Variants in LUZP2 observed in about 807,000 individuals in gnomAD.
The protein encoded by LUZP2 is leucine zipper protein 2.
In LUZP2, 52 loss-of-function variants were observed where a neutral mutation model predicts 51.6. The ratio of observed to expected loss-of-function variants is 1.01; its 90% CI spans 0.81 to 1.27. The LOEUF is 1.27. Ranked by LOEUF, LUZP2 falls within the 50% of genes most tolerant of loss-of-function variation. The probability of loss-of-function intolerance (pLI) is 0.00; values close to 1 mark genes in which losing one functional copy is unlikely to be tolerated. For synonymous variants in LUZP2, 154 were observed against 137.3 expected, an observed-to-expected ratio of 1.12 and a Z score of -0.85; for missense variants, 436 against 395.4, an observed-to-expected ratio of 1.10 and a Z score of -0.87.
At chr11:24,949,316 C>T (rs1344467917) in intron 7 of LUZP2, among the ~76,000 whole-genome samples, 4 of 111,354 alleles carry the variant, frequency 3.6e-5, no homozygotes, top group African/African-American at 1.4e-4. Flanking sequence ...ATCTATCTAT[C>T]TATCTATCTA....
Position 24,729,270 on chromosome 11 carries a change from T to C in LUZP2, c.164T>C (p.Ile55Thr). 6.5e-7 allele frequency: 1 copy of C among 1,542,698 alleles called. No individual in the cohort carries two copies. Among genetic ancestry groups the C allele is most frequent in the Non-Finnish European group, 8.8e-7 (1 of 1,131,666 alleles). ...AAGACATCAAGAGAACTTGATGGAA[T>C]TAAAGTCAATCTTCAGGTGAGATGA... is the stretch of plus-strand genomic sequence containing the variant. ...LTKTSRELDG[I>T]KVNLQSLKND... Residue 55 changes from isoleucine (I) to threonine (T), a missense_variant, in exon 2 of 12, where the codon ATT becomes ACT. Transcript: ENST00000336930.
At chr11:24,956,725 G>C (rs970607565) in intron 7 of LUZP2, among the ~76,000 whole-genome samples, 7 of 152,118 alleles carry the variant, frequency 4.6e-5, no homozygotes, top group Admixed American at 3.9e-4. Flanking sequence ...GAGAAGGCTG[G>C]GAAGTAGTGA....
chr11:25,031,719 A>G (rs1857693409), intron 9 of LUZP2, among the ~76,000 whole-genome samples: 1 of 151,986 alleles, frequency 6.6e-6, no homozygotes, highest in Non-Finnish European at 1.5e-5. Flanking sequence ...GGGCATTTAG[A>G]AATTATACAT....
At chr11:24,665,429 G>A (rs1856181580) in intron 1 of LUZP2, among the ~76,000 whole-genome samples, 1 of 152,126 alleles carries the variant, frequency 6.6e-6, no homozygotes. Flanking sequence ...TTAAGACTTT[G>A]GGAGACTGTT....
chr11:24,562,787 G>A (rs916640292), intron 1 of LUZP2, among the ~76,000 whole-genome samples: 3 of 151,042 alleles, frequency 2.0e-5, no homozygotes, highest in Non-Finnish European at 2.9e-5. Context: ...GCATGAACCC[G>A]GGAGGCGAAG....
intron 5 of LUZP2, among the ~76,000 whole-genome samples, chr11:24,828,530 A>G (rs1284752209): frequency 2.0e-5 from 3 of 148,922 alleles, no homozygotes; most frequent in Non-Finnish European, 4.4e-5. Flanking sequence ...CACTACAGAT[A>G]CCTTGCACAG....
At chr11:25,055,183 G>A (rs1484898513) in intron 10 of LUZP2, among the ~76,000 whole-genome samples, 1 of 150,754 alleles carries the variant, frequency 6.6e-6, no homozygotes, top group South Asian at 2.1e-4. Flanking sequence ...GCTAATTTTT[G>A]TATTTTTAGT....
At chr11:24,577,303 A>T (rs1038770430) in intron 1 of LUZP2, among the ~76,000 whole-genome samples, 4 of 152,124 alleles carry the variant, frequency 2.6e-5, no homozygotes, top group Non-Finnish European at 5.9e-5. Context: ...TACCTTATTT[A>T]AAGGCAAACA....
At position 25,078,546 on chromosome 11, in the gene LUZP2, T is replaced by G. The variant is rs1859384605; in HGVS notation, c.937-8T>G. 2 of 1,602,138 alleles carry G rather than the reference T, an allele frequency of 1.2e-6. No individual in the cohort carries two copies. The highest frequency in any genetic ancestry group is 8.5e-7 in the Non-Finnish European group (1 of 1,172,056). ...TCTTCGAATTGTCTTTTCTGTATTG[T>G]TTAACAGAAATTGCAAATGCCTCCT... On this transcript the variant is annotated splice_polypyrimidine_tract_variant and splice_region_variant and intron_variant, in intron 11 of 11. Transcript: ENST00000336930.
chr11:24,707,560 C>T (rs1338613464), intron 1 of LUZP2, among the ~76,000 whole-genome samples: 1 of 152,050 alleles, frequency 6.6e-6, no homozygotes, highest in Non-Finnish European at 1.5e-5. Flanking sequence ...CTGCCATGTA[C>T]AAGCTGGAGA....
chr11:24,954,057 T>C (rs1049070257), intron 7 of LUZP2, among the ~76,000 whole-genome samples: 2 of 151,976 alleles, frequency 1.3e-5, no homozygotes, highest in African/African-American at 4.8e-5. Context: ...CCTTCACTTT[T>C]CCCTGCCACT....
At chr11:24,935,177 A>G (rs529607131) in intron 7 of LUZP2, among the ~76,000 whole-genome samples, 1 of 152,200 alleles carries the variant, frequency 6.6e-6, no homozygotes, top group South Asian at 2.1e-4. Context: ...ATCACGTTGT[A>G]TATGTTGTGT....
intron 1 of LUZP2, among the ~76,000 whole-genome samples, chr11:24,568,227 G>T (rs1852306847): frequency 6.6e-6 from 1 of 152,036 alleles, no homozygotes. Flanking sequence ...GAGTGTGACG[G>T]TGCATGCCTA....
chr11:24,773,991 C>A (rs908735962), intron 5 of LUZP2, among the ~76,000 whole-genome samples: 1 of 151,932 alleles, frequency 6.6e-6, no homozygotes, highest in African/African-American at 2.4e-5. Context: ...TTGAAGGATA[C>A]AAAGTATTGA....
chr11:24,728,063 A>G (rs1858549776), intron 1 of LUZP2, among the ~76,000 whole-genome samples: 1 of 152,044 alleles, frequency 6.6e-6, no homozygotes, highest in Admixed American at 6.6e-5. Flanking sequence ...TATTTAACAC[A>G]TGAAAATGTG....
intron 7 of LUZP2, among the ~76,000 whole-genome samples, chr11:24,958,714 T>G (rs140138829): frequency 0.029 from 4,362 of 152,298 alleles, 230 homozygotes; most frequent in African/African-American, 0.1. Flanking sequence ...GCCTGTTCAC[T>G]CTGATGTTAG....
intron 1 of LUZP2, among the ~76,000 whole-genome samples, chr11:24,506,224 T>G (rs996279069): frequency 6.6e-6 from 1 of 152,068 alleles, no homozygotes; most frequent in Non-Finnish European, 1.5e-5. Context: ...AAAGATACTA[T>G]AAGAGAGGAA....
intron 1 of LUZP2, among the ~76,000 whole-genome samples, chr11:24,686,879 C>T (rs1044008711): frequency 6.6e-6 from 1 of 152,092 alleles, no homozygotes; most frequent in Non-Finnish European, 1.5e-5. Flanking sequence ...CCGAGAGTTG[C>T]TTGTTAACAT....
At chr11:24,571,767 C>T (rs796761597) in intron 1 of LUZP2, among the ~76,000 whole-genome samples, 5 of 152,048 alleles carry the variant, frequency 3.3e-5, no homozygotes, top group African/African-American at 7.2e-5. Flanking sequence ...TGAGAAGTAA[C>T]GACTGCTAAA....
Sources: allele counts gnomAD v4.1 joint callset (sites outside exome capture counted in the v4.1 genomes callset), GRCh38; gene constraint gnomAD v4.1.1; transcripts MANE v1.5; gene names NCBI Gene and HGNC (gene_info 2026-07-23, HGNC 2026-07-21).